CCAR2: variants seen among roughly 807,000 people sequenced by gnomAD.
CCAR2 encodes the protein cell cycle and apoptosis regulator 2.
In CCAR2, 21 loss-of-function variants were observed where a neutral mutation model predicts 108.1. The ratio of observed to expected loss-of-function variants is 0.19; its 90% CI spans 0.14 to 0.28. CCAR2 has a LOEUF of 0.28. Among genes scored for constraint, CCAR2 ranks in the 10% least tolerant of loss-of-function variants. The pLI is 1.00. For missense variants in CCAR2, 1,126 were observed against 1,177.0 expected (o/e 0.96, Z 0.63); for synonymous variants, 577 against 472.8 (o/e 1.22, Z -2.86).
chr8:22,610,717 C>T (rs1202767245), intron 7 of CCAR2, among the ~76,000 whole-genome samples: 2 of 152,348 alleles, frequency 1.3e-5, no homozygotes, highest in Non-Finnish European at 2.9e-5. Flanking sequence ...TAAATCTCTT[C>T]AGCTTAGTCA....
chr8:22,618,724 C>T lies in CCAR2; in HGVS notation c.2328C>T (p.Leu776=), dbSNP rs1254509342. 1 of 1,613,960 alleles carries T rather than the reference C, an allele frequency of 6.2e-7. No homozygotes were observed. Among genetic ancestry groups the T allele is most frequent in the Non-Finnish European group, 8.5e-7 (1 of 1,180,008 alleles). ...ATGGTGGCCTTCCCGAGGAGGTGCT[C>T]TTCGGTATGTTCTGGGGCCCTGCAG... The part of the protein sequence containing the change: ...GLDGGLPEEV[L]FGNLDLLPPP... The change falls in exon 18 of 21, where the codon CTC becomes CTT. Residue 776 remains leucine, a synonymous_variant. Transcript: ENST00000308511.
rs1270476844 is a variant in CCAR2 at position 22,605,767 on chromosome 8, G to C, written c.-7G>C. On this transcript the variant is annotated 5_prime_UTR_variant, in exon 2 of 21. Coordinates refer to ENST00000308511, the MANE Select transcript of CCAR2 (RefSeq NM_001393997.1). ...CCCCACGACTCTGAAAGAGGACAGC[G>C]TTCCCAATGTCCCAGTTTAAGCGCC... 1 of 1,613,470 alleles carries C rather than the reference G, an allele frequency of 6.2e-7. No individual in the cohort carries two copies. The highest frequency in any genetic ancestry group is 8.5e-7 in the Non-Finnish European group (1 of 1,179,558).
At position 22,607,201 on chromosome 8, in the gene CCAR2, A is replaced by G. The variant is rs745861342; in HGVS notation, c.363A>G (p.Leu121=). ...VKVQTLSNQP[L]LKSPAPPLLH... The stretch of plus-strand genomic sequence containing the variant: ...TCCTGGCTCCTGTTCTGCAGCCCCT[A>G]CTGAAGTCCCCAGCACCTCCTCTTC... Residue 121 remains leucine (L), a synonymous_variant, in exon 6 of 21, where the codon CTA becomes CTG. Transcript: ENST00000308511. The G allele has an allele frequency of 3.7e-6, 6 of 1,613,918 alleles. No homozygotes were observed. Among genetic ancestry groups the G allele is most frequent in the East Asian group, 4.5e-5 (2 of 44,872 alleles).
At chr8:22,612,783 A>G in intron 7 of CCAR2, 1 of 353,456 alleles carries the variant, frequency 2.8e-6, no homozygotes, top group Non-Finnish European at 5.0e-6. Flanking sequence ...GCTGAGGCCT[A>G]CTGTGTATAC....
At position 22,605,713 on chromosome 8, in the gene CCAR2, ATTTC is replaced by A. The variant is rs1177227221; in HGVS notation, c.-38-15_-38-12del. The A allele has an allele frequency of 1.4e-6, 2 of 1,431,814 alleles. No homozygotes were observed. 88.7% of individuals were successfully genotyped at this position (1,431,814 alleles called of 1,614,324 possible). On this transcript the variant is annotated intron_variant, in intron 1 of 20. Coordinates refer to ENST00000308511, the MANE Select transcript of CCAR2 (RefSeq NM_001393997.1). ...TGGAAATTTCCCTTATAAGCTGTTAATTTCTTTCTTTTTGGATTGAAGCCTTTTC... is the reference window on the plus strand; with the variant it reads ...TGGAAATTTCCCTTATAAGCTGTTAATTTCTTTTTGGATTGAAGCCTTTTC...
rs1170287359 is a variant in CCAR2 at position 22,613,194 on chromosome 8, AATGAG to A, written c.704+62_704+66del. The A allele has an allele frequency of 4.7e-6, 7 of 1,482,136 alleles. No homozygotes were observed. The African/African-American group carries it at 8.5e-5, about 18-fold the overall frequency. 91.8% of individuals were successfully genotyped at this position (1,482,136 alleles called of 1,614,324 possible). On this transcript the variant is annotated intron_variant, in intron 8 of 20. Transcript: ENST00000308511. Reference sequence around the variant, plus strand: ...GCTGCTGGTAATAGTTTCTTATGTAAATGAGATGGCGTCTATGCAAGTGCACATGT... The same window carrying A: ...GCTGCTGGTAATAGTTTCTTATGTAAATGGCGTCTATGCAAGTGCACATGT...
In CCAR2 at chr8:22,606,962, G is replaced by A. The variant is rs201436030; in HGVS notation, c.295G>A (p.Ala99Thr). The A allele has an allele frequency of 2.5e-6, 4 of 1,614,160 alleles. No individual in the cohort carries two copies. The highest frequency in any genetic ancestry group is 2.2e-5 in the South Asian group (2 of 91,082). ...QLGEKVLVKA[A>T]YNPGQAVPWN... ...GGGTGAGAAGGTGCTGGTGAAGGCT[G>A]CATACAACCCAGGCCAGGCAGTGCC... is the stretch of plus-strand genomic sequence containing the variant. The change falls in exon 5 of 21, where the codon GCA (alanine) becomes ACA (threonine). Residue 99 changes from alanine to threonine, a missense_variant. Around this residue, in one of 4 missense-constraint regions of CCAR2, gnomAD observed 44 missense variants for 63.4 expected, o/e 0.69. Coordinates refer to ENST00000308511, the MANE Select transcript of CCAR2 (RefSeq NM_001393997.1).
intron 7 of CCAR2, among the ~76,000 whole-genome samples, chr8:22,611,534 T>C (rs946137892): frequency 6.6e-6 from 1 of 152,036 alleles, no homozygotes; most frequent in African/African-American, 2.4e-5. Context: ...AACAGGTAGG[T>C]ATTAAAGAAT....
In CCAR2 at chr8:22,614,994, A is replaced by T. The variant is rs201473135; in HGVS notation, c.1198A>T (p.Thr400Ser). 2 of 1,573,344 alleles carry T rather than the reference A, an allele frequency of 1.3e-6. No homozygotes were observed. Among genetic ancestry groups the T allele is most frequent in the Non-Finnish European group, 1.7e-6 (2 of 1,158,152 alleles). The change falls in exon 11 of 21, where the codon ACC becomes TCC. Residue 400 changes from threonine (T) to serine (S), a missense_variant. Around this residue, in one of 4 missense-constraint regions of CCAR2, gnomAD observed 1,013 missense variants for 993.9 expected, o/e 1.02. Coordinates refer to ENST00000308511, the MANE Select transcript of CCAR2 (RefSeq NM_001393997.1). ...AQTGIDLSGC[T>S]KWWRFAEFQY... ...GACTGGCATTGATTTGAGCGGCTGT[A>T]CCAAGTGGTGAGTGGGCTTCCTGAG... is the stretch of plus-strand genomic sequence containing the variant.
intron 8 of CCAR2, 111 bp downstream of exon 8, chr8:22,613,247 C>T (rs1801363383): frequency 8.4e-7 from 1 of 1,192,280 alleles, no homozygotes; most frequent in South Asian, 2.5e-5. Context: ...CCTTTTCTTA[C>T]AAAACGAAAA....
At chr8:22,617,106 C>T (rs1046125067) in intron 14 of CCAR2, among the ~76,000 whole-genome samples, 1 of 151,664 alleles carries the variant, frequency 6.6e-6, no homozygotes, top group Non-Finnish European at 1.5e-5. Context: ...AACTCCTGAC[C>T]TCAGGAGTGC....
In CCAR2 at chr8:22,608,013, C is replaced by T; in HGVS notation, c.532C>T (p.Leu178=). Reference sequence around the variant, plus strand: ...ATCCCACACACTTCACCTGAGCCACCTGAACAGATTTCCTGCCCGGGGCCC... The same window carrying T: ...ATCCCACACACTTCACCTGAGCCACTTGAACAGATTTCCTGCCCGGGGCCC... ...QTSHTLHLSH[L]NRFPARGPHG... is the part of the protein sequence containing the mutation. The change falls in exon 7 of 21, where the codon CTG becomes TTG. Residue 178 remains leucine, a synonymous_variant. Coordinates refer to ENST00000308511, the MANE Select transcript of CCAR2 (RefSeq NM_001393997.1). 1 of 1,614,110 alleles carries T rather than the reference C, an allele frequency of 6.2e-7. No individual in the cohort carries two copies. The highest frequency in any genetic ancestry group is 8.5e-7 in the Non-Finnish European group (1 of 1,180,036).
At chr8:22,605,687 A>G (rs1425065632) in intron 1 of CCAR2, 49 bp from the exon 2 acceptor site, 7 of 1,144,262 alleles carry the variant, frequency 6.1e-6, no homozygotes, top group Non-Finnish European at 9.1e-6. Flanking sequence ...CCGGGTATAG[A>G]TGGAAATTTC....
At position 22,615,452 on chromosome 8, in the gene CCAR2, G is replaced by A; in HGVS notation, c.1233G>A (p.Leu411=). ...KWWRFAEFQY[L]QPGPPRRLQT... is the part of the protein sequence containing the mutation. ...GGCGCTTTGCCGAGTTTCAGTACCTGCAGCCGGGACCCCCCCGGCGGCTTC... is the reference window on the plus strand; with the variant it reads ...GGCGCTTTGCCGAGTTTCAGTACCTACAGCCGGGACCCCCCCGGCGGCTTC... The change falls in exon 12 of 21, where the codon CTG becomes CTA. Residue 411 remains leucine, a synonymous_variant. Coordinates refer to ENST00000308511, the MANE Select transcript of CCAR2 (RefSeq NM_001393997.1). 6.2e-7 allele frequency: 1 copy of A among 1,613,842 alleles called. No homozygotes were observed. Among genetic ancestry groups the A allele is most frequent in the Non-Finnish European group, 8.5e-7 (1 of 1,179,976 alleles).
At chr8:22,607,910 G>A in intron 6 of CCAR2, 59 bp from the exon 7 acceptor site, 1 of 1,375,234 alleles carries the variant, frequency 7.3e-7, no homozygotes, top group Non-Finnish European at 1.0e-6. Flanking sequence ...ACAGGTGTGA[G>A]CTATTGCACC....
Position 22,616,059 on chromosome 8 carries a change from T to C in CCAR2, c.1656T>C (p.Phe552=), listed in dbSNP as rs142269104. 1.2e-6 allele frequency: 2 copies of C among 1,614,066 alleles called. No individual in the cohort carries two copies. The highest frequency in any genetic ancestry group is 8.5e-7 in the Non-Finnish European group (1 of 1,180,016). Reference sequence around the variant, plus strand: ...TTCTGGAGATGCTCCAGAGGGATTTTGGCTATAGAGTTTATAAGATGCTAC... The same window carrying C: ...TTCTGGAGATGCTCCAGAGGGATTTCGGCTATAGAGTTTATAAGATGCTAC... ...ELFLEMLQRD[F]GYRVYKMLLS... Residue 552 remains phenylalanine, a synonymous_variant, in exon 14 of 21, where the codon TTT becomes TTC. Transcript: ENST00000308511.
intron 18 of CCAR2, 35 bp from the exon 19 acceptor site, chr8:22,618,792 C>T: frequency 6.2e-7 from 1 of 1,613,172 alleles, no homozygotes; most frequent in Non-Finnish European, 8.5e-7. Flanking sequence ...TCTCTGGAGA[C>T]TCCATCCTGA....
At chr8:22,614,020 A>C (rs921998950) in intron 8 of CCAR2, 72 bp from the exon 9 acceptor site, 4 of 1,440,560 alleles carry the variant, frequency 2.8e-6, no homozygotes, top group Non-Finnish European at 3.8e-6. Flanking sequence ...CCATTTTTTC[A>C]AATCTTTGAT....
rs768872936 is a variant in CCAR2 at position 22,617,718 on chromosome 8, G to A, written c.2013G>A (p.Ser671=). The part of the protein sequence containing the change: ...EEFAGAKLED[S]EVRSVASNQS... ...TAGCAGGAGCAAAGCTGGAGGATTC[G>A]GAGGTCCGGTCCGTTGCCTCAAACC... is the stretch of plus-strand genomic sequence containing the variant. The change falls in exon 16 of 21, where the codon TCG becomes TCA. Residue 671 remains serine (S), a synonymous_variant. Coordinates refer to ENST00000308511, the MANE Select transcript of CCAR2 (RefSeq NM_001393997.1). 1.5e-5 allele frequency: 24 copies of A among 1,614,028 alleles called. No individual in the cohort carries two copies. The African/African-American group carries it at 2.1e-4, about 14-fold the overall frequency.
Sources: allele counts gnomAD v4.1 joint callset (sites outside exome capture counted in the v4.1 genomes callset), GRCh38; gene constraint gnomAD v4.1.1; regional missense constraint gnomAD v4.1.1; transcripts MANE v1.5; gene names NCBI Gene and HGNC (gene_info 2026-07-23, HGNC 2026-07-21).